EDARADD: variants seen among roughly 807,000 people sequenced by gnomAD.
EDARADD encodes EDAR associated via death domain.
Under a neutral mutation model 25.6 loss-of-function variants are expected in EDARADD, and 20 were observed. The ratio of observed to expected loss-of-function variants is 0.78; its 90% CI spans 0.55 to 1.14. EDARADD has a LOEUF of 1.14. Ranked by LOEUF, EDARADD falls within the 50% of genes most tolerant of loss-of-function variation. The pLI, the probability that EDARADD is intolerant of heterozygous loss-of-function variation, is 0.00. For missense variants in EDARADD, 225 were observed against 270.1 expected (o/e 0.83, Z 1.17); for synonymous variants, 86 against 94.4 (o/e 0.91, Z 0.52).
intron 4 of EDARADD, among the ~76,000 whole-genome samples, chr1:236,467,420 ACACGCG>A (rs1019575206): frequency 2.0e-4 from 18 of 92,144 alleles, no homozygotes; most frequent in Admixed American, 7.1e-4. Context: ...GGAAGCACAC[ACACGCG>A]CACACACACA....
Position 236,398,186 on chromosome 1 carries a change from G to C in EDARADD, c.61+3681G>C, listed in dbSNP as rs527625836. 2.0e-5 allele frequency among the ~76,000 whole-genome samples: 3 copies of C among 152,032 alleles called. No individual in the cohort carries two copies. The highest frequency in any genetic ancestry group is 4.8e-5 in the African/African-American group (2 of 41,384). ...GTCACCCAGGCTGGAGTGCAGTGGC[G>C]TGATCCCCACTCACTGCAACCTCCG... On this transcript the variant is annotated intron_variant, in intron 1 of 5. Transcript: ENST00000334232. This position sits in a 1 kb window ranked among gnomAD's most constrained non-coding sequence, Gnocchi z 4.1.
rs529702593 is a variant in EDARADD, at chr1:236,472,163, C to T, written c.265+3887C>T. Among the ~76,000 whole-genome samples, 572 of 152,220 alleles carry T rather than the reference C, an allele frequency of 3.8e-3. 2 individuals are homozygous for T. Among genetic ancestry groups the T allele is most frequent in the Middle Eastern group, 6.8e-3 (2 of 294 alleles). ...AGAAATGCCCCATGGAAAACCCACT[C>T]ATCAGGTTGAGAGTGTGGAGAAGCC... On this transcript the variant is annotated intron_variant, in intron 5 of 5. Coordinates refer to ENST00000334232, the MANE Select transcript of EDARADD (RefSeq NM_145861.4).
Position 236,400,033 on chromosome 1 carries a change from A to G in EDARADD, c.61+5528A>G, listed in dbSNP as rs559161926. Among the ~76,000 whole-genome samples, 21 of 152,320 alleles carry G rather than the reference A, an allele frequency of 1.4e-4. No individual in the cohort carries two copies. In the East Asian group the frequency reaches 3.9e-3, roughly 28 times the overall value. On this transcript the variant is annotated intron_variant, in intron 1 of 5. Coordinates refer to ENST00000334232, the MANE Select transcript of EDARADD (RefSeq NM_145861.4). ...ATAAACCACTTCCTGGAGCACTCAT[A>G]TGTGCAAAGCTGGACCAGCCAATTC...
intron 4 of EDARADD, among the ~76,000 whole-genome samples, chr1:236,435,056 T>G (rs1236380766): frequency 6.6e-6 from 1 of 152,152 alleles, no homozygotes; most frequent in Non-Finnish European, 1.5e-5. Flanking sequence ...TGAGACTGCT[T>G]GTGTAGATGA....
intron 2 of EDARADD, among the ~76,000 whole-genome samples, chr1:236,413,590 T>C (rs567585444): frequency 6.6e-6 from 1 of 152,284 alleles, no homozygotes; most frequent in East Asian, 1.9e-4. Flanking sequence ...TTTTCAGAAA[T>C]GGCTACATTG....
intron 4 of EDARADD, among the ~76,000 whole-genome samples, chr1:236,432,278 G>A (rs1201398040): frequency 6.6e-6 from 1 of 151,574 alleles, no homozygotes; most frequent in Non-Finnish European, 1.5e-5. Context: ...GGTCCCAGCT[G>A]CTCAGGAGGC....
chr1:236,412,834 T>C (rs1237368200), intron 2 of EDARADD, among the ~76,000 whole-genome samples: 1 of 152,192 alleles, frequency 6.6e-6, no homozygotes, highest in Non-Finnish European at 1.5e-5. Context: ...GAAAACTCAG[T>C]CTATCTGAGG....
intron 4 of EDARADD, among the ~76,000 whole-genome samples, chr1:236,452,960 T>C (rs940917258): frequency 7.9e-5 from 12 of 152,238 alleles, no homozygotes; most frequent in Admixed American, 6.5e-4. Context: ...TATTTCACTG[T>C]TCTAAATGCT....
intron 3 of EDARADD, among the ~76,000 whole-genome samples, chr1:236,388,993 A>G (rs1667389366): frequency 1.4e-5 from 1 of 70,136 alleles, no homozygotes. Context: ...GCAATAACCA[A>G]AGCAAACATC....
At chr1:236,375,655 C>CAAA (rs34232960) in intron 3 of EDARADD, among the ~76,000 whole-genome samples, 20,528 of 74,148 alleles carry the variant, frequency 0.28, 2,417 homozygotes, top group East Asian at 0.43. Context: ...GACTTGGTCT[C>CAAA]AAAAAAAAAA....
At chr1:236,473,629 C>A (rs1659420637) in intron 5 of EDARADD, among the ~76,000 whole-genome samples, 1 of 152,004 alleles carries the variant, frequency 6.6e-6, no homozygotes, top group Non-Finnish European at 1.5e-5. Context: ...ACCAAAAAAT[C>A]AAAAAATTAG....
Position 236,445,234 on chromosome 1 carries a change from C to CTTTTT in EDARADD, c.219+17791_219+17795dup, listed in dbSNP as rs61333307. 3.3e-5 allele frequency among the ~76,000 whole-genome samples: 3 copies of CTTTTT among 89,722 alleles called. 1 individual carries two copies. 58.9% of individuals were successfully genotyped at this position (89,722 alleles called of 152,430 possible). A position where few individuals can be genotyped will look rare whatever the true frequency, so the allele number is the denominator to read the frequency against. ...TGCATTAGCTGGGACATAATAAATT[C>CTTTTT]TTTTTTTTTTTGAGACAGAGTCTTG... is the stretch of plus-strand genomic sequence containing the variant. On this transcript the variant is annotated intron_variant, in intron 4 of 5. Coordinates refer to ENST00000334232, the MANE Select transcript of EDARADD (RefSeq NM_145861.4).
In EDARADD at chr1:236,483,264, G is replaced by A; in HGVS notation, c.*615G>A. The A allele has an allele frequency of 1.9e-6, 3 of 1,599,728 alleles. No individual in the cohort carries two copies. The highest frequency in any genetic ancestry group is 2.6e-6 in the Non-Finnish European group (3 of 1,169,314). On this transcript the variant is annotated 3_prime_UTR_variant, in exon 6 of 6. Transcript: ENST00000334232. ...CACCTCAGAAGGTCTCTTCAGAGCT[G>A]CTGTGCCCAGTGGTGCTTCAACTGG...
chr1:236,424,594 C>A (rs1164676062), intron 3 of EDARADD, among the ~76,000 whole-genome samples: 1 of 152,114 alleles, frequency 6.6e-6, no homozygotes, highest in Non-Finnish European at 1.5e-5. Context: ...CCCAGAGAAC[C>A]TCAAATCAGT....
chr1:236,374,066 T>C lies in EDARADD; in HGVS notation c.-6+23227T>C, dbSNP rs1323686145. The stretch of plus-strand genomic sequence containing the variant: ...TTCTATTCTTTTAAATTTGTTGTGG[T>C]GTGTTTATGACCAAGTCTGTTTGCT... On this transcript the variant is annotated intron_variant, in intron 3 of 7. Transcript: ENST00000439430. Among the ~76,000 whole-genome samples the C allele has an allele frequency of 2.6e-5, 4 of 152,266 alleles. No individual in the cohort carries two copies. In the East Asian group the frequency reaches 7.7e-4, roughly 29 times the overall value.
chr1:236,436,393 C>T (rs1193671489), intron 4 of EDARADD, among the ~76,000 whole-genome samples: 1 of 152,014 alleles, frequency 6.6e-6, no homozygotes, highest in Non-Finnish European at 1.5e-5. Flanking sequence ...AACTCCTGGC[C>T]TCAGGTGATC....
At chr1:236,414,409 C>CCATAGATTAGCTCGTGACTTGTGA (rs1657581073) in intron 3 of EDARADD, 110 bp downstream of exon 3, 1 of 842,084 alleles carries the variant, frequency 1.2e-6, no homozygotes, top group Non-Finnish European at 1.9e-6. Flanking sequence ...AGAAACATGC[C>CCATAGATTAGCTCGTGACTTGTGA]CATAGATTAG....
upstream of EDARADD, among the ~76,000 whole-genome samples, chr1:236,390,352 A>G (rs992230279): frequency 2.6e-5 from 4 of 152,026 alleles, no homozygotes; most frequent in African/African-American, 4.8e-5. Context: ...TCAGGAGATC[A>G]AGACCATCCT....
intron 4 of EDARADD, among the ~76,000 whole-genome samples, chr1:236,467,828 G>A (rs1659257173): frequency 6.6e-6 from 1 of 151,032 alleles, no homozygotes; most frequent in Non-Finnish European, 1.5e-5. Context: ...CTCAATCATA[G>A]CTCACTGCAG....
Sources: allele counts gnomAD v4.1 joint callset (sites outside exome capture counted in the v4.1 genomes callset), GRCh38; gene constraint gnomAD v4.1.1; non-coding constraint Gnocchi (gnomAD v3.1); transcripts MANE v1.5; gene names NCBI Gene and HGNC (gene_info 2026-07-23, HGNC 2026-07-21).